STMN4: variants seen among roughly 807,000 people sequenced by gnomAD.
STMN4 encodes stathmin 4.
In STMN4, 12 loss-of-function variants were observed where a neutral mutation model predicts 29.1. The ratio of observed to expected loss-of-function variants is 0.41; its 90% CI spans 0.26 to 0.67. The LOEUF is 0.67. STMN4 is among the 30% of genes least tolerant of loss of function. STMN4 has a pLI of 0.30. For synonymous variants in STMN4, 114 were observed against 105.3 expected, an observed-to-expected ratio of 1.08 and a Z score of -0.51; for missense variants, 181 against 262.8, an observed-to-expected ratio of 0.69 and a Z score of 2.15.
chr8:27,243,356 T>C (rs1431888772), intron 2 of STMN4, among the ~76,000 whole-genome samples: 3 of 152,206 alleles, frequency 2.0e-5, no homozygotes, highest in African/African-American at 7.2e-5. Flanking sequence ...TATAGGCATA[T>C]GCCACTATAC....
intron 1 of STMN4, among the ~76,000 whole-genome samples, chr8:27,254,802 G>T (rs908274087): frequency 7.3e-6 from 1 of 136,898 alleles, no homozygotes; most frequent in African/African-American, 2.8e-5. Flanking sequence ...GGTGGGGTGG[G>T]GTGGGAGTGT....
In STMN4 at chr8:27,244,922, CTG is replaced by C. The variant is rs972613708; in HGVS notation, c.-78-1123_-78-1122del. On this transcript the variant is annotated intron_variant, in intron 1 of 6. Transcript: ENST00000350889. The stretch of plus-strand genomic sequence containing the variant: ...GATCCTCGGTCACCCTCTGTGGTCA[CTG>C]TGCCAGGGGAGGGTGGCGAGAGCCA... Among the ~76,000 whole-genome samples, 29 of 152,198 alleles carry C rather than the reference CTG, an allele frequency of 1.9e-4. 1 individual carries two copies. The highest frequency in any genetic ancestry group is 5.1e-4 in the African/African-American group (21 of 41,446).
At chr8:27,239,005 C>T (rs1380874715) in intron 6 of STMN4, among the ~76,000 whole-genome samples, 8 of 152,370 alleles carry the variant, frequency 5.3e-5, no homozygotes, top group South Asian at 2.1e-4. Flanking sequence ...GCCTGAGGGC[C>T]GACCCAGATC....
intron 1 of STMN4, among the ~76,000 whole-genome samples, chr8:27,254,255 C>T (rs1216488459): frequency 1.3e-5 from 2 of 152,162 alleles, no homozygotes; most frequent in African/African-American, 2.4e-5. Flanking sequence ...GAACTTTTCT[C>T]CCTCTAGTCT....
chr8:27,249,306 T>C (rs1230205387), intron 1 of STMN4, among the ~76,000 whole-genome samples: 5 of 152,072 alleles, frequency 3.3e-5, no homozygotes, highest in African/African-American at 7.2e-5. Flanking sequence ...GAACAGGCAA[T>C]CACAAGCCCA....
Position 27,235,896 on chromosome 8 carries a change from G to A in STMN4, c.*950C>T, listed in dbSNP as rs1801299478. 6.6e-6 allele frequency: 1 copy of A among 152,506 alleles called. No homozygotes were observed. Among genetic ancestry groups the A allele is most frequent in the Non-Finnish European group, 1.5e-5 (1 of 68,114 alleles). The allele number at this position is 152,506 out of a possible 1,614,324, so 9.4% of individuals were successfully genotyped here. A position where few individuals can be genotyped will look rare whatever the true frequency, so the allele number is the denominator to read the frequency against. ...TGGACTTCCCAGCCTCCAAAACTGT[G>A]AGCAATCAATTTCTGTTATCAATTA... On this transcript the variant is annotated 3_prime_UTR_variant, in exon 7 of 7. Coordinates refer to ENST00000350889, the MANE Select transcript of STMN4 (RefSeq NM_030795.4).
chr8:27,252,259 C>T (rs923982257), intron 1 of STMN4, among the ~76,000 whole-genome samples: 9 of 152,032 alleles, frequency 5.9e-5, no homozygotes, highest in African/African-American at 1.9e-4. Flanking sequence ...TGAATAATGC[C>T]GCAATAAACA....
intron 6 of STMN4, chr8:27,239,298 G>A: frequency 6.5e-7 from 1 of 1,535,582 alleles, no homozygotes; most frequent in Middle Eastern, 1.7e-4. Flanking sequence ...AAAACACAGA[G>A]CTGGAGCTCT....
chr8:27,242,324 G>C, intron 3 of STMN4, 73 bp downstream of exon 3: 1 of 1,410,362 alleles, frequency 7.1e-7, no homozygotes, highest in South Asian at 1.2e-5. Context: ...GACTGGGGTC[G>C]GGGTGCAGGA....
chr8:27,255,599 A>C (rs774342114), intron 1 of STMN4, among the ~76,000 whole-genome samples: 1 of 152,076 alleles, frequency 6.6e-6, no homozygotes, highest in Non-Finnish European at 1.5e-5. Context: ...TCCTTTCTTT[A>C]TCTCTCTCTT....
At chr8:27,243,243 T>A (rs1310200770) in intron 2 of STMN4, among the ~76,000 whole-genome samples, 1 of 152,078 alleles carries the variant, frequency 6.6e-6, no homozygotes, top group Non-Finnish European at 1.5e-5. Context: ...CATTTGCTTG[T>A]ACAATTTTTT....
chr8:27,239,981 A>G lies in STMN4; in HGVS notation c.581T>C (p.Leu194Pro). The G allele has an allele frequency of 6.2e-7, 1 of 1,614,254 alleles. No homozygotes were observed. The highest frequency in any genetic ancestry group is 8.5e-7 in the Non-Finnish European group (1 of 1,180,042). The change falls in exon 6 of 7, where the codon CTG (leucine) becomes CCG (proline). Residue 194 changes from leucine (L) to proline (P), a missense_variant. Leu to Pro is a moderately conservative substitution (Grantham distance 98). Transcript: ENST00000350889. Reference sequence around the variant, plus strand: ...CCAGGGACCCCTCACCTTCTCTTGCAGCCGTTCCAACATGGCGGCGAGGTG... The same window carrying G: ...CCAGGGACCCCTCACCTTCTCTTGCGGCCGTTCCAACATGGCGGCGAGGTG... The part of the protein sequence containing the change: ...EAHLAAMLER[L>P]QEKDKHAEEV...
intron 1 of STMN4, among the ~76,000 whole-genome samples, chr8:27,249,096 C>A (rs183898459): frequency 1.3e-5 from 2 of 152,096 alleles, no homozygotes; most frequent in East Asian, 1.9e-4. Flanking sequence ...GGTGATAACC[C>A]CCCCCAAGCA....
intron 1 of STMN4, among the ~76,000 whole-genome samples, chr8:27,250,149 T>A (rs1239526590): frequency 6.6e-6 from 1 of 152,166 alleles, no homozygotes; most frequent in Non-Finnish European, 1.5e-5. Context: ...AAAATCCAGT[T>A]GAGGTCATAT....
chr8:27,247,138 T>C (rs550123241), intron 1 of STMN4, among the ~76,000 whole-genome samples: 2 of 150,740 alleles, frequency 1.3e-5, no homozygotes, highest in African/African-American at 4.9e-5. Context: ...GCCTGTAATC[T>C]CAGCTACTAG....
rs776736540 is a variant in STMN4 at position 27,241,708 on chromosome 8, G to A, written c.159C>T (p.Asp53=). ...CTCTTCTTTCTCTCCAGTCAGCACT[G>A]TCTTTCCGCTGGCTTTCATCCTTCC... The part of the protein sequence containing the change: ...CRRKDESQRK[D]SADWRERRAQ... The change falls in exon 4 of 7, where the codon GAC becomes GAT. Residue 53 remains aspartate (D), a synonymous_variant. Coordinates refer to ENST00000350889, the MANE Select transcript of STMN4 (RefSeq NM_030795.4). The A allele has an allele frequency of 6.8e-6, 11 of 1,614,018 alleles. No individual in the cohort carries two copies. The highest frequency in any genetic ancestry group is 9.3e-6 in the Non-Finnish European group (11 of 1,180,022).
chr8:27,235,910 T>C lies in STMN4; in HGVS notation c.*936A>G, dbSNP rs1801300207. On this transcript the variant is annotated 3_prime_UTR_variant, in exon 7 of 7. Coordinates refer to ENST00000350889, the MANE Select transcript of STMN4 (RefSeq NM_030795.4). ...TCCAAAACTGTGAGCAATCAATTTC[T>C]GTTATCAATTACTTAGTCTAAGGTA... 6.6e-6 allele frequency: 1 copy of C among 152,422 alleles called. No homozygotes were observed. The highest frequency in any genetic ancestry group is 2.4e-5 in the African/African-American group (1 of 41,452). The allele number at this position is 152,422 out of a possible 1,614,324, so 9.4% of individuals were successfully genotyped here. A position where few individuals can be genotyped will look rare whatever the true frequency, so the allele number is the denominator to read the frequency against.
intron 1 of STMN4, among the ~76,000 whole-genome samples, chr8:27,245,830 C>T (rs528113107): frequency 8.5e-5 from 13 of 152,272 alleles, no homozygotes; most frequent in African/African-American, 2.2e-4. Flanking sequence ...GCCTCCAGCC[C>T]GAGCTAGAAA....
At chr8:27,241,638 C>A in intron 4 of STMN4, 39 bp downstream of exon 4, 1 of 1,611,058 alleles carries the variant, frequency 6.2e-7, no homozygotes, top group Non-Finnish European at 8.5e-7. Flanking sequence ...GCCCATCTGA[C>A]GCTCGGCCTG....
Sources: gnomAD v4.1 joint callset for allele counts (sites outside exome capture counted in the v4.1 genomes callset) on GRCh38, gnomAD v4.1.1 for gene constraint, MANE v1.5 for transcripts, NCBI Gene and HGNC (gene_info 2026-07-23, HGNC 2026-07-21) for gene names.